KHK: variants seen among roughly 807,000 people sequenced by gnomAD.
The protein encoded by KHK is fructokinase.
A neutral mutation model predicts 36.0 loss-of-function variants in KHK; 37 were observed. The observed-to-expected ratio is 1.03, with a 90% CI of 0.79 to 1.35. The LOEUF (loss-of-function observed/expected upper bound fraction) is 1.35. Ranked by LOEUF, KHK falls within the 40% of genes most tolerant of loss-of-function variation. The pLI is 0.00. For missense variants in KHK, 395 were observed against 391.9 expected (o/e 1.01, Z -0.07); for synonymous variants, 161 against 162.8 (o/e 0.99, Z 0.08).
Position 27,090,635 on chromosome 2 carries a change from A to G in KHK, c.93-1697A>G, listed in dbSNP as rs150227891. Among the ~76,000 whole-genome samples the G allele has an allele frequency of 4.2e-3, 638 of 151,554 alleles. 4 individuals carry two copies. Among genetic ancestry groups the G allele is most frequent in the African/African-American group, 0.014 (585 of 41,424 alleles). On this transcript the variant is annotated intron_variant, in intron 1 of 7. Coordinates refer to ENST00000260598, the MANE Select transcript of KHK (RefSeq NM_006488.3). Reference sequence around the variant, plus strand: ...ACACCCGGCTCATTTTTGTATTTTTAGTAGAGACAGGGTTTCAACATCTTG... The same window carrying G: ...ACACCCGGCTCATTTTTGTATTTTTGGTAGAGACAGGGTTTCAACATCTTG...
At chr2:27,092,734 G>A (rs551627617) in intron 2 of KHK, among the ~76,000 whole-genome samples, 2 of 152,240 alleles carry the variant, frequency 1.3e-5, no homozygotes, top group Non-Finnish European at 2.9e-5. Context: ...CTTGCTTCCT[G>A]CAGACTCTGC....
At chr2:27,089,656 C>A (rs1024410160) in intron 1 of KHK, among the ~76,000 whole-genome samples, 1 of 152,186 alleles carries the variant, frequency 6.6e-6, no homozygotes, top group Non-Finnish European at 1.5e-5. Context: ...GCCATGCCTT[C>A]CCCGCAGCCC....
rs1383726666 is a variant in KHK at position 27,099,815 on chromosome 2, C to T, written c.*65C>T. The T allele has an allele frequency of 5.7e-6, 9 of 1,581,386 alleles. No homozygotes were observed. In the African/African-American group the frequency reaches 1.2e-4, roughly 21 times the overall value. On this transcript the variant is annotated 3_prime_UTR_variant, in exon 8 of 8. Coordinates refer to ENST00000260598, the MANE Select transcript of KHK (RefSeq NM_006488.3). ...TTGCGGCTGCATCGCCTTCTCCCCT[C>T]CATCCAGCCTGGCGTCCAGGTTGCC...
chr2:27,094,686 T>G, intron 2 of KHK, 114 bp from the exon 3 acceptor site: 1 of 1,613,126 alleles, frequency 6.2e-7, no homozygotes, highest in Non-Finnish European at 8.5e-7. Flanking sequence ...TCTTCTTCTC[T>G]TAGAGGCTCG....
In KHK at chr2:27,099,244, G is replaced by T; in HGVS notation, c.613G>T (p.Glu205Ter). The change falls in exon 6 of 8, where the codon GAG becomes TAG. Residue 205 changes from glutamate (E) to a stop codon, truncating the protein, a stop_gained. Coordinates refer to ENST00000260598, the MANE Select transcript of KHK (RefSeq NM_006488.3). LOFTEE classifies it high-confidence loss of function. The stretch of plus-strand genomic sequence containing the variant: ...CAAGCACTTGGGGTTCCAGTCAGCA[G>T]AGGAAGCCTTGAGGGGCTTGTATGG... ...VAKHLGFQSAEEALRGLYGRV... is the reference protein window; with the variant it reads ...VAKHLGFQSA 1 of 1,614,196 alleles carries T rather than the reference G, an allele frequency of 6.2e-7. No homozygotes were observed. The highest frequency in any genetic ancestry group is 8.5e-7 in the Non-Finnish European group (1 of 1,180,046).
In KHK at chr2:27,100,029, G is replaced by A. The variant is rs577021295; in HGVS notation, c.*279G>A. On this transcript the variant is annotated 3_prime_UTR_variant, in exon 8 of 8. Coordinates refer to ENST00000260598, the MANE Select transcript of KHK (RefSeq NM_006488.3). ...GGCATTCCTGAGGCTCTGACTCTTC[G>A]ATCCTCCCTCTTTGTGTCCATTCCC... 3.0e-6 allele frequency: 2 copies of A among 659,348 alleles called. No individual in the cohort carries two copies. Among genetic ancestry groups the A allele is most frequent in the Admixed American group, 2.5e-5 (1 of 39,758 alleles). The allele number at this position is 659,348 out of a possible 1,614,324, so 40.8% of individuals were successfully genotyped here. A position where few individuals can be genotyped will look rare whatever the true frequency, so the allele number is the denominator to read the frequency against.
At position 27,094,958 on chromosome 2, in the gene KHK, G is replaced by C. The variant is rs780178540; in HGVS notation, c.344+24G>C. On this transcript the variant is annotated intron_variant, in intron 3 of 7. Coordinates refer to ENST00000260598, the MANE Select transcript of KHK (RefSeq NM_006488.3). ...ACGTAAGGCCCCCGGGCCTCGCCCT[G>C]CTACAACCCACCAATCAGTTGGCTC... 4.3e-6 allele frequency: 7 copies of C among 1,613,262 alleles called. 1 individual carries two copies.
rs1670696384 is a variant in KHK at position 27,099,849 on chromosome 2, G to C, written c.*99G>C. The stretch of plus-strand genomic sequence containing the variant: ...CTGGCGTCCAGGTTGCCCTGTTCAG[G>C]GGACAGATGCAAGCTGTGGGGAGGA... On this transcript the variant is annotated 3_prime_UTR_variant, in exon 8 of 8. Coordinates refer to ENST00000260598, the MANE Select transcript of KHK (RefSeq NM_006488.3). 1 of 1,554,494 alleles carries C rather than the reference G, an allele frequency of 6.4e-7. No individual in the cohort carries two copies. Among genetic ancestry groups the C allele is most frequent in the Non-Finnish European group, 8.7e-7 (1 of 1,149,388 alleles).
In KHK at chr2:27,099,449, A is replaced by G. The variant is rs781078287; in HGVS notation, c.683A>G (p.Glu228Gly). The change falls in exon 7 of 8, where the codon GAG becomes GGG. Residue 228 changes from glutamate to glycine, a missense_variant. Transcript: ENST00000260598. ...GTGCTTGTCTGTGCCTGGGCTGAGGAGGGCGCCGACGCCCTGGGCCCTGAT... is the reference window on the plus strand; with the variant it reads ...GTGCTTGTCTGTGCCTGGGCTGAGGGGGGCGCCGACGCCCTGGGCCCTGAT... ...GAVLVCAWAE[E>G]GADALGPDGK... is the part of the protein sequence containing the mutation. 8.1e-6 allele frequency: 13 copies of G among 1,613,800 alleles called. No individual in the cohort carries two copies. The East Asian group carries it at 2.9e-4, about 36-fold the overall frequency.
chr2:27,099,947 CAAAT>C lies in KHK; in HGVS notation c.*202_*205del, dbSNP rs1670706024. 3 of 1,222,158 alleles carry C rather than the reference CAAAT, an allele frequency of 2.5e-6. No individual in the cohort carries two copies. Among genetic ancestry groups the C allele is most frequent in the Non-Finnish European group, 3.5e-6 (3 of 851,502 alleles). 75.7% of individuals were successfully genotyped at this position (1,222,158 alleles called of 1,614,324 possible). On this transcript the variant is annotated 3_prime_UTR_variant, in exon 8 of 8. Coordinates refer to ENST00000260598, the MANE Select transcript of KHK (RefSeq NM_006488.3). ...GGCTGGGGGATGCAGAGCCTCAGAG[CAAAT>C]AAATCTTCCTCAGAGCCAGCTTCTC... is the stretch of plus-strand genomic sequence containing the variant.
intron 5 of KHK, chr2:27,098,852 CT>C (rs979719087): frequency 1.0e-5 from 3 of 290,270 alleles, no homozygotes; most frequent in African/African-American, 2.2e-5. Flanking sequence ...CGGACCAGGC[CT>C]TTTGTTTTAC....
chr2:27,095,050 A>C, intron 3 of KHK, 116 bp downstream of exon 3: 1 of 1,229,864 alleles, frequency 8.1e-7, no homozygotes, highest in African/African-American at 1.5e-5. Flanking sequence ...TGTGTACCAG[A>C]AGTTGCTCCC....
intron 1 of KHK, 151 bp downstream of exon 1, chr2:27,087,502 G>T (rs991886947): frequency 5.2e-6 from 3 of 575,920 alleles, no homozygotes; most frequent in Non-Finnish European, 9.2e-6. Flanking sequence ...ATCCTGGGGG[G>T]GCTCCCAGCA....
chr2:27,090,828 A>G (rs56894246), intron 1 of KHK, among the ~76,000 whole-genome samples: 14 of 151,780 alleles, frequency 9.2e-5, no homozygotes, highest in Non-Finnish European at 1.9e-4. Flanking sequence ...CCAAGGCAGG[A>G]GGATCGCTTG....
intron 1 of KHK, chr2:27,087,820 A>T (rs1234764259): frequency 6.5e-6 from 1 of 154,158 alleles, no homozygotes; most frequent in Non-Finnish European, 1.4e-5. Flanking sequence ...AGCTTACAGT[A>T]AAAAGTATGT....
At chr2:27,092,556 C>T (rs1670081149) in intron 2 of KHK, 108 bp downstream of exon 2, 1 of 828,104 alleles carries the variant, frequency 1.2e-6, no homozygotes, top group Middle Eastern at 2.2e-4. Context: ...GGGTTGTGTC[C>T]AGCAGAAACG....
rs1670732217 is a variant in KHK, at chr2:27,100,261, A to C, written c.*511A>C. On this transcript the variant is annotated 3_prime_UTR_variant, in exon 8 of 8. Transcript: ENST00000260598. ...CCCACAGCTCAGAAGCTGGGAGTCC[A>C]CACCGCTGAGCTGAACTGACAGGCC... 1 of 400,350 alleles carries C rather than the reference A, an allele frequency of 2.5e-6. No homozygotes were observed. Among genetic ancestry groups the C allele is most frequent in the Admixed American group, 3.5e-5 (1 of 28,392 alleles). 24.8% of individuals were successfully genotyped at this position (400,350 alleles called of 1,614,324 possible).
In KHK at chr2:27,090,700, G is replaced by A. The variant is rs191149469; in HGVS notation, c.93-1632G>A. On this transcript the variant is annotated intron_variant, in intron 1 of 7. Coordinates refer to ENST00000260598, the MANE Select transcript of KHK (RefSeq NM_006488.3). ...GAACTCCTGACCTCGTGATCCACCCGCCTCAGCCTCCCAAAGTGCTGAGAT... is the reference window on the plus strand; with the variant it reads ...GAACTCCTGACCTCGTGATCCACCCACCTCAGCCTCCCAAAGTGCTGAGAT... Among the ~76,000 whole-genome samples the A allele has an allele frequency of 1.8e-3, 268 of 151,512 alleles. 1 individual carries two copies. The highest frequency in any genetic ancestry group is 5.8e-3 in the African/African-American group (240 of 41,430).
At chr2:27,092,583 C>T (rs1469176754) in intron 2 of KHK, 135 bp downstream of exon 2, 20 of 709,034 alleles carry the variant, frequency 2.8e-5, no homozygotes, top group Non-Finnish European at 4.0e-5. Flanking sequence ...GGGGGCATGG[C>T]GGAGCACCAG....
Sources: allele counts gnomAD v4.1 joint callset (sites outside exome capture counted in the v4.1 genomes callset), GRCh38; gene constraint gnomAD v4.1.1; transcripts MANE v1.5; gene names NCBI Gene and HGNC (gene_info 2026-07-23, HGNC 2026-07-21).